The following IRF8 variants were observed in gnomAD, a reference collection of about 807,000 sequenced individuals.
IRF8 encodes the protein interferon consensus sequence binding protein 1.
Under a neutral mutation model 48.7 loss-of-function variants are expected in IRF8, and 14 were observed. The observed-to-expected ratio is 0.29, with a 90% CI of 0.19 to 0.45. The LOEUF (loss-of-function observed/expected upper bound fraction) is 0.45. IRF8 is among the 20% of genes least tolerant of loss of function. The pLI is 1.00. For missense variants in IRF8, 493 were observed against 580.7 expected, an observed-to-expected ratio of 0.85 and a Z score of 1.55; for synonymous variants, 278 against 227.3, an observed-to-expected ratio of 1.22 and a Z score of -2.01.
At chr16:85,904,549 T>C (rs1316504179) in intron 2 of IRF8, among the ~76,000 whole-genome samples, 1 of 152,200 alleles carries the variant, frequency 6.6e-6, no homozygotes, top group African/African-American at 2.4e-5. Flanking sequence ...TGCGTTTCAG[T>C]AATTCTGTTA....
At chr16:85,905,001 G>C (rs945269541) in intron 2 of IRF8, among the ~76,000 whole-genome samples, 1 of 151,916 alleles carries the variant, frequency 6.6e-6, no homozygotes, top group Non-Finnish European at 1.5e-5. Context: ...TGTTGTAAGG[G>C]TTCCCTATGC....
intron 5 of IRF8, 106 bp from the exon 6 acceptor site, chr16:85,914,367 G>T (rs983612737): frequency 2.3e-6 from 3 of 1,315,060 alleles, no homozygotes; most frequent in Middle Eastern, 1.8e-4. Context: ...CCTCTGGCAC[G>T]CCATGTGCAG....
intron 6 of IRF8, among the ~76,000 whole-genome samples, chr16:85,917,250 A>G (rs1262715050): frequency 6.6e-6 from 1 of 152,204 alleles, no homozygotes; most frequent in Non-Finnish European, 1.5e-5. Context: ...GGTCTGGGGT[A>G]CTTAGAAGGA....
At chr16:85,902,530 C>A (rs1904856424) in intron 1 of IRF8, among the ~76,000 whole-genome samples, 1 of 152,232 alleles carries the variant, frequency 6.6e-6, no homozygotes, top group Non-Finnish European at 1.5e-5. Flanking sequence ...CCTCCTCTTT[C>A]CCAGACGGCA....
At chr16:85,903,338 G>C (rs754220795) in intron 2 of IRF8, 149 bp downstream of exon 2, 1 of 732,972 alleles carries the variant, frequency 1.4e-6, no homozygotes, top group East Asian at 2.7e-5. Context: ...TGCTGAATGT[G>C]TCTCAGACAT....
At chr16:85,919,862 C>G (rs1480780957) in intron 7 of IRF8, among the ~76,000 whole-genome samples, 1 of 152,230 alleles carries the variant, frequency 6.6e-6, no homozygotes, top group African/African-American at 2.4e-5. Context: ...TAAGAGAGAG[C>G]ACTGGGCAGC....
chr16:85,907,988 G>T (rs1293147376), intron 2 of IRF8, among the ~76,000 whole-genome samples: 2 of 151,386 alleles, frequency 1.3e-5, no homozygotes, highest in Non-Finnish European at 3.0e-5. Flanking sequence ...TCCCAGACTG[G>T]GTGGCCTTGG....
chr16:85,911,703 G>C, intron 4 of IRF8, 45 bp downstream of exon 4: 3 of 1,528,854 alleles, frequency 2.0e-6, no homozygotes, highest in Non-Finnish European at 2.7e-6. Flanking sequence ...GCCAGGAGGA[G>C]TCTCATGTCT....
At chr16:85,917,088 G>A (rs1458058680) in intron 6 of IRF8, among the ~76,000 whole-genome samples, 1 of 152,160 alleles carries the variant, frequency 6.6e-6, no homozygotes, top group Non-Finnish European at 1.5e-5. Context: ...CAATGGGAGG[G>A]TCCAAGGAGT....
At chr16:85,904,770 C>T (rs1904939537) in intron 2 of IRF8, among the ~76,000 whole-genome samples, 1 of 147,938 alleles carries the variant, frequency 6.8e-6, no homozygotes, top group Non-Finnish European at 1.5e-5. Flanking sequence ...GCCTCCTCAC[C>T]CTTAGTGCCA....
At chr16:85,914,196 A>G in intron 5 of IRF8, 1 of 499,728 alleles carries the variant, frequency 2.0e-6, no homozygotes, top group Non-Finnish European at 3.7e-6. Flanking sequence ...TGGGAAGGAA[A>G]TGTGGCCCCA....
rs773018092 is a variant in IRF8 at position 85,913,181 on chromosome 16, G to T, written c.498G>T (p.Pro166=). The change falls in exon 5 of 9, where the codon CCG becomes CCT. Residue 166 remains proline, a synonymous_variant. Transcript: ENST00000268638. ...MGMIKRSPSP[P]EACRSQLLPD... ...TGATCAAAAGGAGCCCTTCCCCGCC[G>T]GAGGCCTGTCGGAGTCAGCTCCTTC... The T allele has an allele frequency of 6.2e-7, 1 of 1,614,172 alleles. No homozygotes were observed. The highest frequency in any genetic ancestry group is 2.2e-5 in the East Asian group (1 of 44,888).
At chr16:85,902,592 C>A in intron 1 of IRF8, 1 of 260,146 alleles carries the variant, frequency 3.8e-6, no homozygotes, top group Non-Finnish European at 7.6e-6. Context: ...ATCTGGTAGC[C>A]CAGTTGGTTC....
intron 2 of IRF8, among the ~76,000 whole-genome samples, chr16:85,908,251 G>C (rs1249136016): frequency 2.0e-5 from 3 of 152,148 alleles, no homozygotes; most frequent in East Asian, 1.9e-4. Flanking sequence ...AATTTTGCAA[G>C]CTTAAAATCT....
intron 5 of IRF8, 39 bp from the exon 6 acceptor site, chr16:85,914,434 C>T (rs373949363): frequency 1.3e-5 from 21 of 1,613,862 alleles, no homozygotes; most frequent in Non-Finnish European, 1.8e-5. Flanking sequence ...TACACCACAC[C>T]TGGGTGGCTC....
rs757320154 is a variant in IRF8 at position 85,914,489 on chromosome 16, G to C, written c.570G>C (p.Thr190=). ...QQPSTGVPLV[T]GYTTYDAHHS... is the part of the protein sequence containing the mutation. ...CTCCTGCAGGCGTGCCGCTGGTGAC[G>C]GGGTACACCACCTACGACGCGCACC... Residue 190 remains threonine (T), a synonymous_variant, in exon 6 of 9, where the codon ACG becomes ACC. Coordinates refer to ENST00000268638, the MANE Select transcript of IRF8 (RefSeq NM_002163.4). 1 of 1,614,132 alleles carries C rather than the reference G, an allele frequency of 6.2e-7. No homozygotes were observed. The highest frequency in any genetic ancestry group is 8.5e-7 in the Non-Finnish European group (1 of 1,180,028).
intron 1 of IRF8, among the ~76,000 whole-genome samples, chr16:85,900,684 A>C (rs1345031328): frequency 6.6e-6 from 1 of 152,230 alleles, no homozygotes; most frequent in South Asian, 2.1e-4. Flanking sequence ...TCTGGGCCTC[A>C]GTTTTTCCTC....
intron 2 of IRF8, 67 bp downstream of exon 2, chr16:85,903,256 A>G: frequency 1.4e-6 from 2 of 1,384,064 alleles, no homozygotes; most frequent in Admixed American, 3.8e-5. Context: ...ACTAGTGGAG[A>G]TGTTGAGTGA....
intron 2 of IRF8, among the ~76,000 whole-genome samples, chr16:85,904,204 T>C (rs1047880340): frequency 2.6e-5 from 4 of 152,188 alleles, no homozygotes; most frequent in Non-Finnish European, 5.9e-5. Context: ...CTAGCCCAGG[T>C]TATAAGCCAT....
Sources: allele counts gnomAD v4.1 joint callset (sites outside exome capture counted in the v4.1 genomes callset), GRCh38; gene constraint gnomAD v4.1.1; transcripts MANE v1.5; gene names NCBI Gene and HGNC (gene_info 2026-07-23, HGNC 2026-07-21).